Variants in RBFOX3 observed in about 807,000 individuals in gnomAD.
RBFOX3 encodes the protein RNA binding protein fox-1 homolog 3.
A neutral mutation model predicts 48.7 loss-of-function variants in RBFOX3; 17 were observed. The observed-to-expected ratio is 0.35, with a 90% CI of 0.24 to 0.52. The LOEUF (loss-of-function observed/expected upper bound fraction) is 0.52. Ranked by LOEUF, RBFOX3 falls within the 20% of genes least tolerant of loss-of-function variation. The pLI is 0.94. For synonymous variants in RBFOX3, 212 were observed against 209.5 expected, an observed-to-expected ratio of 1.01 and a Z score of -0.10; for missense variants, 382 against 497.5, an observed-to-expected ratio of 0.77 and a Z score of 2.21.
chr17:79,616,538 G>GA, the RBFOX3 span, among the ~76,000 whole-genome samples: 3,537 of 102,410 alleles, frequency 0.035, 49 homozygotes, highest in Middle Eastern at 0.089. Flanking sequence ...TCCATCTCAA[G>GA]AAAAAAAAAA....
intron 4 of RBFOX3, among the ~76,000 whole-genome samples, chr17:79,155,261 G>A (rs1000328753): frequency 2.4e-4 from 36 of 152,212 alleles, no homozygotes; most frequent in African/African-American, 8.2e-4. Flanking sequence ...CTCAGAACCC[G>A]CCCCACACCC....
At chr17:79,106,316 G>A (rs922307914) in intron 6 of RBFOX3, among the ~76,000 whole-genome samples, 1 of 152,178 alleles carries the variant, frequency 6.6e-6, no homozygotes, top group African/African-American at 2.4e-5. Context: ...AGGTCCCAAG[G>A]TACTCTAGGA....
chr17:79,191,934 G>T (rs2054604145), intron 4 of RBFOX3, among the ~76,000 whole-genome samples: 1 of 152,182 alleles, frequency 6.6e-6, no homozygotes, highest in South Asian at 2.1e-4. Context: ...GCTGCCCGGT[G>T]AGCAGAGATG....
At chr17:79,549,995 G>A (rs557692943) in intron 1 of RBFOX3, among the ~76,000 whole-genome samples, 282 of 152,308 alleles carry the variant, frequency 1.9e-3, no homozygotes, top group African/African-American at 5.4e-3. Context: ...ATGCTGACCA[G>A]CCGTGCCGGG....
Position 79,115,530 on chromosome 17 carries a change from G to T in RBFOX3, c.186C>A (p.Ala62=). The change falls in exon 5 of 15, where the codon GCC becomes GCA. Residue 62 remains alanine (A), a synonymous_variant. Transcript: ENST00000693108. Reference sequence around the variant, plus strand: ...GGGTCCCGGCGATGGGCTGTGTGCTGGCCTCGGAGCCTGGCTGCTCGGGGT... The same window carrying T: ...GGGTCCCGGCGATGGGCTGTGTGCTTGCCTCGGAGCCTGGCTGCTCGGGGT... ...QTHPEQPGSE[A]STQPIAGTQT... The T allele has an allele frequency of 7.4e-7, 1 of 1,347,092 alleles. No individual in the cohort carries two copies. The highest frequency in any genetic ancestry group is 9.5e-7 in the Non-Finnish European group (1 of 1,047,470). The allele number at this position is 1,347,092 out of a possible 1,614,324, so 83.4% of individuals were successfully genotyped here.
intron 2 of RBFOX3, among the ~76,000 whole-genome samples, chr17:79,337,728 A>C (rs539223787): frequency 6.6e-6 from 1 of 152,274 alleles, no homozygotes; most frequent in African/African-American, 2.4e-5. Flanking sequence ...GTGAGGTGAG[A>C]CTGTGCCACT....
intron 3 of RBFOX3, among the ~76,000 whole-genome samples, chr17:79,289,200 C>T (rs780269960): frequency 1.3e-5 from 2 of 152,352 alleles, no homozygotes; most frequent in Admixed American, 6.5e-5. Flanking sequence ...CTGCCCACGT[C>T]GTAGTCTCAG....
chr17:79,145,963 C>T (rs1421367714), intron 4 of RBFOX3, among the ~76,000 whole-genome samples: 1 of 152,108 alleles, frequency 6.6e-6, no homozygotes, highest in African/African-American at 2.4e-5. Flanking sequence ...GAAACTGTTC[C>T]ACTTCAGATC....
chr17:79,421,168 G>A lies in RBFOX3; in HGVS notation c.-175+61286C>T, dbSNP rs548438570. On this transcript the variant is annotated intron_variant, in intron 2 of 14. Transcript: ENST00000693108. This position sits in a 1 kb window ranked among gnomAD's most constrained non-coding sequence, Gnocchi z 4.5. Reference sequence around the variant, plus strand: ...TTCACAGCAGAGGGCAGGATGCTCCGTGCCCTAACCTACAGGCCTCCATGC... The same window carrying A: ...TTCACAGCAGAGGGCAGGATGCTCCATGCCCTAACCTACAGGCCTCCATGC... Among the ~76,000 whole-genome samples the A allele has an allele frequency of 9.2e-5, 14 of 152,268 alleles. No homozygotes were observed. Among genetic ancestry groups the A allele is most frequent in the African/African-American group, 2.6e-4 (11 of 41,554 alleles).
intron 4 of RBFOX3, among the ~76,000 whole-genome samples, chr17:79,219,384 G>A (rs1294367954): frequency 6.6e-6 from 1 of 152,244 alleles, no homozygotes; most frequent in East Asian, 1.9e-4. Flanking sequence ...TCTCCAAAGT[G>A]TGTGCATGTG....
intron 4 of RBFOX3, among the ~76,000 whole-genome samples, chr17:79,187,961 TCA>T (rs2053753652): frequency 6.6e-6 from 1 of 152,146 alleles, no homozygotes; most frequent in African/African-American, 2.4e-5. Flanking sequence ...GTAGAAATTC[TCA>T]CATTCCCAGA....
At chr17:79,261,727 GC>G (rs375992417) in intron 3 of RBFOX3, among the ~76,000 whole-genome samples, 299 of 152,328 alleles carry the variant, frequency 2.0e-3, no homozygotes, top group African/African-American at 6.9e-3. Flanking sequence ...ATCCCATCCC[GC>G]ACTGGTCGCC....
chr17:79,652,441 G>A, the RBFOX3 span, among the ~76,000 whole-genome samples: 3 of 150,450 alleles, frequency 2.0e-5, no homozygotes, highest in African/African-American at 4.9e-5. Context: ...GCAAGATCCT[G>A]TCTGGAAAGA....
In RBFOX3 at chr17:79,421,849, G is replaced by A. The variant is rs188184388; in HGVS notation, c.-175+60605C>T. ...GTGATCAGGTGCCGGAAGGCCCCGTGAGGGTGGCCCACGAGGCTCATGGGT... is the reference window on the plus strand; with the variant it reads ...GTGATCAGGTGCCGGAAGGCCCCGTAAGGGTGGCCCACGAGGCTCATGGGT... On this transcript the variant is annotated intron_variant, in intron 2 of 14. Coordinates refer to ENST00000693108, the MANE Select transcript of RBFOX3 (RefSeq NM_001350451.2). The surrounding 1 kb of genome is among the most constrained non-coding windows in gnomAD (Gnocchi z 4.5). 1.2e-3 allele frequency among the ~76,000 whole-genome samples: 180 copies of A among 152,274 alleles called. No homozygotes were observed. Among genetic ancestry groups the A allele is most frequent in the African/African-American group, 4.3e-3 (178 of 41,546 alleles).
At chr17:79,564,805 G>T (rs1476483915) in intron 1 of RBFOX3, among the ~76,000 whole-genome samples, 2 of 152,152 alleles carry the variant, frequency 1.3e-5, no homozygotes, top group Admixed American at 1.3e-4. Context: ...ACTTTAGGAG[G>T]CTGAGGTGGG....
chr17:79,511,924 G>C (rs999787025), intron 1 of RBFOX3, among the ~76,000 whole-genome samples: 4 of 143,854 alleles, frequency 2.8e-5, no homozygotes, highest in African/African-American at 1.0e-4. Flanking sequence ...CACCCACCCG[G>C]ATACGTGTTA....
At chr17:79,470,254 CAT>C (rs34468629) in intron 2 of RBFOX3, among the ~76,000 whole-genome samples, 20,130 of 152,174 alleles carry the variant, frequency 0.13, 1,661 homozygotes, top group Middle Eastern at 0.22. Context: ...CAGTGGCCCA[CAT>C]GTGTGTACCT....
At chr17:79,561,791 G>T (rs1599162118) in intron 1 of RBFOX3, among the ~76,000 whole-genome samples, 1 of 152,176 alleles carries the variant, frequency 6.6e-6, no homozygotes, top group African/African-American at 2.4e-5. Flanking sequence ...GCACATGAGG[G>T]TAGGGACTTA....
chr17:79,381,425 G>T (rs186516100), intron 2 of RBFOX3, among the ~76,000 whole-genome samples: 136 of 152,286 alleles, frequency 8.9e-4, no homozygotes, highest in South Asian at 8.9e-3. Context: ...AGCCCAGCGC[G>T]TGTGTCCCCA....
Sources: gnomAD v4.1 joint callset for allele counts (sites outside exome capture counted in the v4.1 genomes callset) on GRCh38, gnomAD v4.1.1 for gene constraint, Gnocchi (gnomAD v3.1) non-coding constraint, MANE v1.5 for transcripts, NCBI Gene and HGNC (gene_info 2026-07-23, HGNC 2026-07-21) for gene names.